The following FAM120C variants were observed in gnomAD, a reference collection of about 807,000 sequenced individuals.
FAM120C encodes the protein constitutive coactivator of PPAR-gamma-like protein 2.
Under a neutral mutation model 71.2 loss-of-function variants are expected in FAM120C, and 14 were observed. That is an observed-to-expected ratio of 0.20 (90% CI 0.13 to 0.31). FAM120C has a LOEUF of 0.31. FAM120C is among the 10% of genes least tolerant of loss of function. FAM120C has a pLI of 1.00. For synonymous variants in FAM120C, 354 were observed against 353.2 expected (o/e 1.00, Z -0.03); for missense variants, 500 against 879.0 (o/e 0.57, Z 5.45).
chrX:54,072,952 A>C lies in FAM120C; in HGVS notation c.*81T>G. ...GGAGAAATCTAGGGTAAGCATTTAT[A>C]TCCTCCTCTAGCTTGGGCCTAAAAT... On this transcript the variant is annotated 3_prime_UTR_variant, in exon 16 of 16. Transcript: ENST00000375180. The C allele has an allele frequency of 1.5e-5, 16 of 1,070,171 alleles. No homozygotes were observed. Among genetic ancestry groups the C allele is most frequent in the Non-Finnish European group, 2.0e-5 (16 of 802,027 alleles). 88.2% of individuals were successfully genotyped at this position (1,070,171 alleles called of 1,213,427 possible).
In FAM120C at chrX:54,135,598, C is replaced by T. The variant is rs1298309895; in HGVS notation, c.1265G>A (p.Arg422Gln). 10 of 1,205,495 alleles carry T rather than the reference C, an allele frequency of 8.3e-6. No homozygotes were observed. Among genetic ancestry groups the T allele is most frequent in the South Asian group, 5.3e-5 (3 of 56,190 alleles). Residue 422 changes from arginine to glutamine, a missense_variant, in exon 6 of 16, where the codon CGG becomes CAG. Arg to Gln is a conservative substitution (Grantham distance 43). Coordinates refer to ENST00000375180, the MANE Select transcript of FAM120C (RefSeq NM_017848.6). ...LPVGPSFLGFRNNRLGNPPLP... is the reference protein window; with the variant it reads ...LPVGPSFLGFQNNRLGNPPLP... ...GGGAGGATTTCCAAGCCTATTATTC[C>T]GAAAACCTGAAGCCAAGAGAAAGAG...
rs782186437 is a variant in FAM120C, at chrX:54,070,624, A to T, written c.*2409T>A. 3.6e-5 allele frequency: 4 copies of T among 112,070 alleles called. No homozygotes were observed. The South Asian group carries it at 1.5e-3, about 42-fold the overall frequency. The allele number at this position is 112,070 out of a possible 1,213,427, so 9.2% of individuals were successfully genotyped here. On this transcript the variant is annotated 3_prime_UTR_variant, in exon 16 of 16. Transcript: ENST00000375180. ...GGCTCCAGAAAGAAAATTCCAAGCCATGTAAATTTACTACTATCCCTTCCT... is the reference window on the plus strand; with the variant it reads ...GGCTCCAGAAAGAAAATTCCAAGCCTTGTAAATTTACTACTATCCCTTCCT...
intron 3 of FAM120C, among the ~76,000 whole-genome samples, chrX:54,153,847 T>G (rs2067195694): frequency 9.1e-6 from 1 of 109,803 alleles, no homozygotes; most frequent in African/African-American, 3.3e-5. Flanking sequence ...ATTACAGGCT[T>G]GAGCCACCAC....
chrX:54,143,239 A>G (rs2067135956), intron 4 of FAM120C, among the ~76,000 whole-genome samples: 1 of 110,939 alleles, frequency 9.0e-6, no homozygotes, highest in South Asian at 3.9e-4. Flanking sequence ...ACACCCTAAC[A>G]TCACAATTAA....
intron 1 of FAM120C, among the ~76,000 whole-genome samples, chrX:54,178,747 G>A (rs1219908460): frequency 8.9e-6 from 1 of 111,753 alleles, no homozygotes; most frequent in Non-Finnish European, 1.9e-5. Flanking sequence ...CAATCAGGAG[G>A]CATAGCAGCC....
At position 54,081,333 on chromosome X, in the gene FAM120C, C is replaced by A. The variant is rs782474823; in HGVS notation, c.2967G>T (p.Gly989=). 6.1e-5 allele frequency: 74 copies of A among 1,206,512 alleles called. No homozygotes were observed. Among genetic ancestry groups the A allele is most frequent in the Non-Finnish European group, 7.8e-5 (70 of 893,824 alleles). Residue 989 remains glycine, a synonymous_variant, in exon 14 of 16, where the codon GGG becomes GGT. Transcript: ENST00000375180. ...ATTTGGGTACATACCCCTTTCCTGG[C>A]CCACCGACAGAAACCACTTGCATGC... ...SFGMQVVSVG[G]PGKGHGKEQT...
intron 4 of FAM120C, among the ~76,000 whole-genome samples, chrX:54,143,482 A>T (rs1226983851): frequency 8.9e-6 from 1 of 112,785 alleles, no homozygotes; most frequent in African/African-American, 3.2e-5. Flanking sequence ...GATAAAGGGG[A>T]TATCACCACT....
At chrX:54,108,077 A>G (rs2066916044) in intron 10 of FAM120C, among the ~76,000 whole-genome samples, 1 of 106,041 alleles carries the variant, frequency 9.4e-6, no homozygotes, top group South Asian at 4.3e-4. Context: ...TTGAAAGCGA[A>G]GTGCTCTGCA....
At chrX:54,083,433 C>CCCCACACACACACA (rs1557121562) in intron 13 of FAM120C, among the ~76,000 whole-genome samples, 9 of 78,930 alleles carry the variant, frequency 1.1e-4, no homozygotes, top group African/African-American at 3.8e-4. Context: ...GACCCCATCT[C>CCCCACACACACACA]CACACACACA....
chrX:54,118,691 C>CT (rs1225428604), intron 9 of FAM120C, among the ~76,000 whole-genome samples: 5 of 34,636 alleles, frequency 1.4e-4, no homozygotes, highest in Non-Finnish European at 2.3e-4. Context: ...TTGTATTTTT[C>CT]TTTTTTTCTT....
chrX:54,101,630 C>T (rs1278990089), intron 10 of FAM120C, among the ~76,000 whole-genome samples: 1 of 112,091 alleles, frequency 8.9e-6, no homozygotes, highest in African/African-American at 3.2e-5. Flanking sequence ...TTAGAAATTT[C>T]TTCTGCCAGA....
chrX:54,145,308 A>T (rs374454042), intron 4 of FAM120C, among the ~76,000 whole-genome samples: 3 of 111,885 alleles, frequency 2.7e-5, no homozygotes, highest in Admixed American at 1.9e-4. Context: ...AAGCCAAAAT[A>T]GACAAATGGG....
intron 1 of FAM120C, among the ~76,000 whole-genome samples, chrX:54,167,018 C>T (rs2067263094): frequency 9.0e-6 from 1 of 111,661 alleles, no homozygotes; most frequent in Admixed American, 9.5e-5. Context: ...CTTTTACTCT[C>T]ATTCCTTGGA....
At chrX:54,085,621 G>T in intron 13 of FAM120C, 94 bp downstream of exon 13, 3 of 809,578 alleles carry the variant, frequency 3.7e-6, no homozygotes, top group Non-Finnish European at 5.3e-6. Context: ...TGAGATATAT[G>T]TGAAACTGTT....
At chrX:54,136,074 C>T (rs1470295206) in intron 5 of FAM120C, among the ~76,000 whole-genome samples, 3 of 108,953 alleles carry the variant, frequency 2.8e-5, no homozygotes, top group Admixed American at 9.9e-5. Flanking sequence ...TCTTGGCTCA[C>T]CGCAAACTCC....
At chrX:54,074,444 G>A (rs1210139063) in intron 15 of FAM120C, among the ~76,000 whole-genome samples, 2 of 112,664 alleles carry the variant, frequency 1.8e-5, no homozygotes, top group East Asian at 2.8e-4. Flanking sequence ...TTGAGACAGA[G>A]TTTCACTCTT....
chrX:54,179,551 GTTCT>G lies in FAM120C; in HGVS notation c.699+2945_699+2948del, dbSNP rs200275063. ...TCAAGTCTGTGCTACAATCCAGGGA[GTTCT>G]TTATCACTCCAGTAACAACAAAAAA... On this transcript the variant is annotated intron_variant, in intron 1 of 15. Coordinates refer to ENST00000375180, the MANE Select transcript of FAM120C (RefSeq NM_017848.6). Among the ~76,000 whole-genome samples, 1,101 of 112,122 alleles carry G rather than the reference GTTCT, an allele frequency of 9.8e-3. 10 individuals carry two copies. Among genetic ancestry groups the G allele is most frequent in the African/African-American group, 0.034 (1,064 of 30,882 alleles).
chrX:54,094,083 C>CTTT lies in FAM120C; in HGVS notation c.2313-2660_2313-2658dup, dbSNP rs35721972. On this transcript the variant is annotated intron_variant, in intron 10 of 15. Coordinates refer to ENST00000375180, the MANE Select transcript of FAM120C (RefSeq NM_017848.6). ...GGTTCTAATCTAGGTTCCACGACTC[C>CTTT]TTTTTTTTTTTTTTTTTTTTTTTCT... Among the ~76,000 whole-genome samples, 121 of 61,439 alleles carry CTTT rather than the reference C, an allele frequency of 2.0e-3. 2 individuals are homozygous for CTTT. The highest frequency in any genetic ancestry group is 2.4e-3 in the Non-Finnish European group (87 of 35,745). 53.4% of individuals were successfully genotyped at this position (61,439 alleles called of 115,157 possible).
At chrX:54,075,365 A>C (rs1370800794) in intron 15 of FAM120C, among the ~76,000 whole-genome samples, 2 of 112,048 alleles carry the variant, frequency 1.8e-5, no homozygotes, top group Non-Finnish European at 3.8e-5. Flanking sequence ...AAGTCTGTAC[A>C]ATATGGGGCT....
Sources: allele counts gnomAD v4.1 joint callset (sites outside exome capture counted in the v4.1 genomes callset), GRCh38; gene constraint gnomAD v4.1.1; transcripts MANE v1.5; gene names NCBI Gene and HGNC (gene_info 2026-07-23, HGNC 2026-07-21).